Variants in RBFOX1 observed in about 807,000 individuals in gnomAD.
RBFOX1 encodes the protein RNA binding protein fox-1 homolog 1.
A neutral mutation model predicts 57.7 loss-of-function variants in RBFOX1; 8 were observed. That is an observed-to-expected ratio of 0.14 (90% CI 0.08 to 0.25). The LOEUF (loss-of-function observed/expected upper bound fraction) is 0.25, where lower values mean the gene tolerates loss of function less well. Among genes scored for constraint, RBFOX1 ranks in the 10% least tolerant of loss-of-function variants. RBFOX1 has a pLI of 1.00. For missense variants in RBFOX1, 611 were observed against 548.5 expected (o/e 1.11, Z -1.14); for synonymous variants, 326 against 222.4 (o/e 1.47, Z -4.15).
At chr16:7,082,830 C>T (rs1379269554) in intron 4 of RBFOX1, among the ~76,000 whole-genome samples, 1 of 152,122 alleles carries the variant, frequency 6.6e-6, no homozygotes, top group African/African-American at 2.4e-5. Context: ...CAGGCTATTG[C>T]TTTGCAGTTG....
intron 9 of RBFOX1, among the ~76,000 whole-genome samples, chr16:7,601,631 C>A (rs1263668436): frequency 6.6e-6 from 1 of 152,060 alleles, no homozygotes; most frequent in Non-Finnish European, 1.5e-5. Flanking sequence ...ATCAACACCA[C>A]CACCACCACC....
intron 1 of RBFOX1, among the ~76,000 whole-genome samples, chr16:5,390,366 G>A (rs1229789488): frequency 6.7e-6 from 1 of 148,778 alleles, no homozygotes; most frequent in African/African-American, 2.5e-5. Context: ...TCAGCTCACT[G>A]CAACCTGTGC....
At chr16:6,280,436 A>G (rs894995061) in intron 1 of RBFOX1, among the ~76,000 whole-genome samples, 1 of 152,136 alleles carries the variant, frequency 6.6e-6, no homozygotes, top group Non-Finnish European at 1.5e-5. Context: ...AGAAAGATGG[A>G]GACAGATTGG....
chr16:6,908,474 A>T (rs1050763046), intron 3 of RBFOX1, among the ~76,000 whole-genome samples: 1 of 152,124 alleles, frequency 6.6e-6, no homozygotes, highest in African/African-American at 2.4e-5. Context: ...TCTCCCCAGC[A>T]TGCCCAATCC....
At chr16:7,597,888 A>G (rs1338143925) in intron 9 of RBFOX1, among the ~76,000 whole-genome samples, 1 of 152,160 alleles carries the variant, frequency 6.6e-6, no homozygotes, top group East Asian at 1.9e-4. Flanking sequence ...AGTATACCTC[A>G]TGTCTGAATT....
chr16:6,655,319 AG>A (rs1366853756), intron 3 of RBFOX1, among the ~76,000 whole-genome samples: 1 of 137,662 alleles, frequency 7.3e-6, no homozygotes, highest in Non-Finnish European at 1.5e-5. Flanking sequence ...GACTGCAGTG[AG>A]CCAAAATTGC....
rs1555653223 is a variant in RBFOX1 at position 6,940,879 on chromosome 16, G to GTGTGTGTGTGTGTGTGTT, written c.-15-111167_-15-111166insGTGTGTTTGTGTGTGTGT. ...TGTGTGTGTGTGTGTGTGTGTGTGT[G>GTGTGTGTGTGTGTGTGTT]TGTGTGTGTGTTAGAGATGGGGTTT... On this transcript the variant is annotated intron_variant, in intron 3 of 15. Transcript: ENST00000550418. 5.7e-4 allele frequency among the ~76,000 whole-genome samples: 79 copies of GTGTGTGTGTGTGTGTGTT among 138,652 alleles called. 3 individuals are homozygous for GTGTGTGTGTGTGTGTGTT. The highest frequency in any genetic ancestry group is 2.1e-3 in the African/African-American group (74 of 35,916). The allele number at this position is 138,652 out of a possible 152,430, so 91.0% of individuals were successfully genotyped here. A position where few individuals can be genotyped will look rare whatever the true frequency, so the allele number is the denominator to read the frequency against.
intron 3 of RBFOX1, among the ~76,000 whole-genome samples, chr16:6,891,789 C>G (rs1567742332): frequency 6.6e-6 from 1 of 152,084 alleles, no homozygotes; most frequent in Non-Finnish European, 1.5e-5. Flanking sequence ...TCCTGCTGCC[C>G]AAAATAGAGC....
intron 3 of RBFOX1, among the ~76,000 whole-genome samples, chr16:6,882,325 A>G (rs891509487): frequency 1.3e-5 from 2 of 152,140 alleles, no homozygotes; most frequent in East Asian, 1.9e-4. Flanking sequence ...GTTGTTTGCA[A>G]TTCTGGCTAC....
chr16:6,050,015 G>C (rs568447829), intron 1 of RBFOX1, among the ~76,000 whole-genome samples: 1 of 150,630 alleles, frequency 6.6e-6, no homozygotes, highest in East Asian at 2.0e-4. Context: ...GGGTACAGCG[G>C]CGTGATCTCA....
intron 13 of RBFOX1, among the ~76,000 whole-genome samples, chr16:7,675,600 C>T (rs1386506906): frequency 1.3e-5 from 2 of 152,184 alleles, no homozygotes; most frequent in African/African-American, 2.4e-5. Flanking sequence ...AATTGAGACC[C>T]GTGTACCTAC....
chr16:6,300,994 T>A (rs984820125), intron 1 of RBFOX1, among the ~76,000 whole-genome samples: 2 of 152,198 alleles, frequency 1.3e-5, no homozygotes, highest in Non-Finnish European at 2.9e-5. Flanking sequence ...AATGGATTAA[T>A]GAGTGGATGT....
At chr16:6,784,051 G>A (rs1235594112) in intron 3 of RBFOX1, among the ~76,000 whole-genome samples, 1 of 151,976 alleles carries the variant, frequency 6.6e-6, no homozygotes, top group African/African-American at 2.4e-5. Context: ...ATTTTCTCCT[G>A]CTACTCTTAG....
At chr16:6,922,122 C>A (rs927946868) in intron 3 of RBFOX1, among the ~76,000 whole-genome samples, 1 of 152,110 alleles carries the variant, frequency 6.6e-6, no homozygotes. Context: ...CAGGCTGTTC[C>A]CTGTGCAACT....
intron 10 of RBFOX1, among the ~76,000 whole-genome samples, chr16:7,615,895 G>T (rs543791840): frequency 6.6e-6 from 1 of 152,110 alleles, no homozygotes; most frequent in African/African-American, 2.4e-5. Flanking sequence ...GACGCTATTC[G>T]AGATGCCACA....
chr16:7,115,868 C>A (rs1437112896), intron 4 of RBFOX1, among the ~76,000 whole-genome samples: 1 of 152,202 alleles, frequency 6.6e-6, no homozygotes, highest in Non-Finnish European at 1.5e-5. Flanking sequence ...TAAATGCCTA[C>A]GCTGGGGAGC....
chr16:6,251,150 C>G (rs1012122543), intron 1 of RBFOX1, among the ~76,000 whole-genome samples: 2 of 152,138 alleles, frequency 1.3e-5, no homozygotes, highest in Admixed American at 6.5e-5. Context: ...CACAACAACC[C>G]TACAGTAATA....
At chr16:7,506,571 CCATCACCTT>C (rs1406513987) in intron 4 of RBFOX1, among the ~76,000 whole-genome samples, 2 of 151,166 alleles carry the variant, frequency 1.3e-5, no homozygotes, top group Non-Finnish European at 2.9e-5. Flanking sequence ...ACCATTATTA[CCATCACCTT>C]CATCATCATC....
chr16:6,205,271 C>T (rs2097247234), intron 1 of RBFOX1, among the ~76,000 whole-genome samples: 1 of 152,126 alleles, frequency 6.6e-6, no homozygotes, highest in Admixed American at 6.6e-5. Context: ...CTTAATGTTG[C>T]CTAGAAGAAA....
Sources: gnomAD v4.1 joint callset for allele counts (sites outside exome capture counted in the v4.1 genomes callset) on GRCh38, gnomAD v4.1.1 for gene constraint, MANE v1.5 for transcripts, NCBI Gene and HGNC (gene_info 2026-07-23, HGNC 2026-07-21) for gene names.